Variants in CNTN3 observed in about 807,000 individuals in gnomAD.
The protein encoded by CNTN3 is contactin 3.
CNTN3 carries 60 observed loss-of-function variants against 119.1 expected under a neutral mutation model. The observed-to-expected ratio is 0.50, with a 90% CI of 0.41 to 0.62. The LOEUF is 0.62. Ranked by LOEUF, CNTN3 falls within the 20% of genes least tolerant of loss-of-function variation. CNTN3 has a pLI of 0.00. For missense variants in CNTN3, 1,101 were observed against 1,242.4 expected (o/e 0.89, Z 1.71); for synonymous variants, 450 against 438.7 (o/e 1.03, Z -0.32).
chr3:74,513,830 T>C (rs570030356), intron 2 of CNTN3, among the ~76,000 whole-genome samples: 12 of 152,030 alleles, frequency 7.9e-5, no homozygotes, highest in African/African-American at 2.9e-4. Flanking sequence ...GTCCTATAAA[T>C]AAAGTAAGCC....
intron 19 of CNTN3, among the ~76,000 whole-genome samples, chr3:74,291,256 T>G (rs1702225108): frequency 6.6e-6 from 1 of 152,186 alleles, no homozygotes; most frequent in Non-Finnish European, 1.5e-5. Context: ...CTGCATAGTA[T>G]TCCATGGTGT....
At chr3:74,520,342 A>G (rs1187018908) in intron 2 of CNTN3, among the ~76,000 whole-genome samples, 1 of 151,572 alleles carries the variant, frequency 6.6e-6, no homozygotes, top group African/African-American at 2.4e-5. Context: ...GTATTCATTC[A>G]TTGTATTATT....
chr3:74,403,632 A>G (rs1705252349), intron 5 of CNTN3, among the ~76,000 whole-genome samples: 1 of 152,128 alleles, frequency 6.6e-6, no homozygotes, highest in African/African-American at 2.4e-5. Context: ...ATTTGTGTTC[A>G]GTATTTTAAA....
intron 18 of CNTN3, among the ~76,000 whole-genome samples, chr3:74,296,623 T>C (rs1036328535): frequency 6.6e-6 from 1 of 152,214 alleles, no homozygotes; most frequent in Admixed American, 6.5e-5. Context: ...CTGTCAGGTC[T>C]GGAGGGTAGG....
intron 1 of CNTN3, among the ~76,000 whole-genome samples, chr3:74,559,944 C>T (rs766391787): frequency 8.5e-5 from 13 of 152,100 alleles, no homozygotes; most frequent in Non-Finnish European, 1.6e-4. Flanking sequence ...AAATATTTCA[C>T]CTAGTTCAGA....
intron 1 of CNTN3, among the ~76,000 whole-genome samples, chr3:74,567,801 C>T (rs866697349): frequency 9.9e-5 from 15 of 152,136 alleles, no homozygotes; most frequent in Admixed American, 9.8e-4. Context: ...TATGTGAAAG[C>T]GCTAGGAGAA....
intron 1 of CNTN3, among the ~76,000 whole-genome samples, chr3:74,555,916 T>A (rs1704061919): frequency 5.3e-5 from 8 of 152,160 alleles, no homozygotes; most frequent in Admixed American, 4.6e-4. Flanking sequence ...ATTTACCCAG[T>A]CTCAGGGAAG....
At chr3:74,491,868 T>C (rs982953076) in intron 3 of CNTN3, among the ~76,000 whole-genome samples, 18 of 152,228 alleles carry the variant, frequency 1.2e-4, no homozygotes, top group Admixed American at 1.0e-3. Context: ...ATGAAAATTA[T>C]GTAAAACTTC....
intron 1 of CNTN3, among the ~76,000 whole-genome samples, chr3:74,582,931 C>T (rs1332088817): frequency 6.6e-6 from 1 of 152,054 alleles, no homozygotes; most frequent in Non-Finnish European, 1.5e-5. Context: ...TTGTCTCATT[C>T]GAACCTGTGG....
rs1705097860 is a variant in CNTN3 at position 74,397,974 on chromosome 3, T to C, written c.455-26575A>G. Among the ~76,000 whole-genome samples, 4 of 152,218 alleles carry C rather than the reference T, an allele frequency of 2.6e-5. No homozygotes were observed. The South Asian group carries it at 8.3e-4, about 32-fold the overall frequency. On this transcript the variant is annotated intron_variant, in intron 5 of 22. Transcript: ENST00000263665. The stretch of plus-strand genomic sequence containing the variant: ...TGACTGAATTGCTACAATTTCATGA[T>C]AAAACTTCAATGGATAAGGAGTTGC...
intron 5 of CNTN3, among the ~76,000 whole-genome samples, chr3:74,374,078 C>A (rs550082137): frequency 5.1e-4 from 77 of 152,196 alleles, no homozygotes; most frequent in African/African-American, 1.8e-3. Flanking sequence ...AATGCTGGCT[C>A]GTTCCTGCCC....
At chr3:74,384,194 G>C (rs138355356) in intron 5 of CNTN3, among the ~76,000 whole-genome samples, 6 of 152,260 alleles carry the variant, frequency 3.9e-5, no homozygotes, top group African/African-American at 1.4e-4. Context: ...AGTTATAAGA[G>C]CACTGTCCCC....
chr3:74,287,205 A>G (rs1371402744), intron 19 of CNTN3, among the ~76,000 whole-genome samples: 1 of 152,210 alleles, frequency 6.6e-6, no homozygotes, highest in Admixed American at 6.5e-5. Flanking sequence ...TTCCTTCAGA[A>G]TCATAAAACC....
chr3:74,267,003 G>C (rs1701673991), intron 21 of CNTN3, among the ~76,000 whole-genome samples: 1 of 152,040 alleles, frequency 6.6e-6, no homozygotes, highest in African/African-American at 2.4e-5. Context: ...GTAGTATATA[G>C]GTCAGCATCA....
At chr3:74,396,746 G>T in intron 5 of CNTN3, among the ~76,000 whole-genome samples, 1 of 98,782 alleles carries the variant, frequency 1.0e-5, no homozygotes, top group African/African-American at 4.1e-5. Flanking sequence ...TTCCGCCTCA[G>T]AAAAAAAAAA....
At chr3:74,593,627 A>G (rs981435530) in intron 1 of CNTN3, among the ~76,000 whole-genome samples, 6 of 151,954 alleles carry the variant, frequency 3.9e-5, no homozygotes, top group African/African-American at 1.4e-4. Context: ...TAATTTCACA[A>G]GAGTTATGAC....
chr3:74,606,649 T>C (rs552813508), intron 1 of CNTN3, among the ~76,000 whole-genome samples: 42 of 152,234 alleles, frequency 2.8e-4, no homozygotes, highest in African/African-American at 9.4e-4. Flanking sequence ...CAAGTCATAA[T>C]ATAGAACTAT....
intron 20 of CNTN3, among the ~76,000 whole-genome samples, chr3:74,276,400 C>A (rs1001576590): frequency 1.3e-5 from 2 of 152,064 alleles, no homozygotes; most frequent in Non-Finnish European, 2.9e-5. Flanking sequence ...ATGAAATGAG[C>A]TTCAATAAAT....
At chr3:74,468,205 G>A (rs1000213189) in intron 4 of CNTN3, among the ~76,000 whole-genome samples, 2 of 152,082 alleles carry the variant, frequency 1.3e-5, no homozygotes, top group East Asian at 3.9e-4. Context: ...TTTGATCCCT[G>A]CAATGATACA....
Sources: gnomAD v4.1 joint callset for allele counts (sites outside exome capture counted in the v4.1 genomes callset) on GRCh38, gnomAD v4.1.1 for gene constraint, MANE v1.5 for transcripts, NCBI Gene and HGNC (gene_info 2026-07-23, HGNC 2026-07-21) for gene names.